Variants in SHROOM2 observed in about 807,000 individuals in gnomAD.
SHROOM2 encodes shroom family member 2, also known as protein Shroom2.
SHROOM2 carries 33 observed loss-of-function variants against 75.9 expected under a neutral mutation model. The ratio of observed to expected loss-of-function variants is 0.43; its 90% CI spans 0.33 to 0.58. SHROOM2 has a LOEUF of 0.58. Ranked by LOEUF, SHROOM2 falls within the 20% of genes least tolerant of loss-of-function variation. The probability of loss-of-function intolerance (pLI) is 0.04; values close to 1 mark genes in which losing one functional copy is unlikely to be tolerated. For synonymous variants in SHROOM2, 655 were observed against 663.6 expected (o/e 0.99, Z 0.20); for missense variants, 1,434 against 1,461.2 (o/e 0.98, Z 0.30).
At chrX:9,838,586 G>T (rs1002097083) in intron 1 of SHROOM2, among the ~76,000 whole-genome samples, 2 of 111,789 alleles carry the variant, frequency 1.8e-5, no homozygotes, top group African/African-American at 6.5e-5. Flanking sequence ...ATAGTATGTC[G>T]TATAGCCTTT....
intron 1 of SHROOM2, among the ~76,000 whole-genome samples, chrX:9,824,370 G>A (rs776023134): frequency 9.0e-6 from 1 of 111,148 alleles, no homozygotes; most frequent in Admixed American, 9.5e-5. Flanking sequence ...CCTGGGAGGC[G>A]GAGGTTGCAG....
chrX:9,945,064 G>A lies in SHROOM2; in HGVS notation c.4584+151G>A, dbSNP rs937485911. On this transcript the variant is annotated intron_variant, in intron 9 of 9. Coordinates refer to ENST00000380913, the MANE Select transcript of SHROOM2 (RefSeq NM_001649.4). ...TGCAGACCTTGTCGAGACAGTGCAC[G>A]CTCTATACCCTCTCCTTCCTTTTAT... 21 of 498,203 alleles carry A rather than the reference G, an allele frequency of 4.2e-5. No homozygotes were observed. In the South Asian group the frequency reaches 6.5e-4, roughly 15 times the overall value. The allele number at this position is 498,203 out of a possible 1,213,427, so 41.1% of individuals were successfully genotyped here.
In SHROOM2 at chrX:9,879,236, C is replaced by A. The variant is rs577463186; in HGVS notation, c.317+5433C>A. On this transcript the variant is annotated intron_variant, in intron 2 of 9. Transcript: ENST00000380913. ...TACAGGTGCATGCCACCATGCCCAGCTTATTGTTTTTATTTTTTTTTATTT... is the reference window on the plus strand; with the variant it reads ...TACAGGTGCATGCCACCATGCCCAGATTATTGTTTTTATTTTTTTTTATTT... Among the ~76,000 whole-genome samples, 12 of 110,213 alleles carry A rather than the reference C, an allele frequency of 1.1e-4. No individual in the cohort carries two copies. In the South Asian group the frequency reaches 4.2e-3, roughly 39 times the overall value.
intron 1 of SHROOM2, among the ~76,000 whole-genome samples, chrX:9,832,110 G>A (rs992792724): frequency 2.7e-5 from 3 of 112,045 alleles, no homozygotes; most frequent in African/African-American, 9.7e-5. Flanking sequence ...TTCTTCTTTC[G>A]TGTGTTCTCT....
chrX:9,836,951 G>C (rs769751988), intron 1 of SHROOM2, among the ~76,000 whole-genome samples: 27 of 112,259 alleles, frequency 2.4e-4, no homozygotes, highest in African/African-American at 8.1e-4. Flanking sequence ...GACACTCCCT[G>C]TACATGGAAT....
In SHROOM2 at chrX:9,848,428, C is replaced by T. The variant is rs780981417; in HGVS notation, c.166-25224C>T. On this transcript the variant is annotated intron_variant, in intron 1 of 9. Transcript: ENST00000380913. The stretch of plus-strand genomic sequence containing the variant: ...CTGAGGCAGGAGAATGGCGTGAACC[C>T]GGGAAGCGGAGCTTGCAGTGAGCCG... 9.2e-4 allele frequency among the ~76,000 whole-genome samples: 80 copies of T among 86,888 alleles called. 1 individual carries two copies. In the Admixed American group the frequency reaches 0.012, roughly 13 times the overall value. 75.5% of individuals were successfully genotyped at this position (86,888 alleles called of 115,157 possible).
chrX:9,853,979 G>A (rs755010911), intron 1 of SHROOM2, among the ~76,000 whole-genome samples: 2 of 111,875 alleles, frequency 1.8e-5, no homozygotes, highest in South Asian at 3.8e-4. Context: ...GCCAAGGCTC[G>A]TTAGTCTGGT....
intron 1 of SHROOM2, among the ~76,000 whole-genome samples, chrX:9,815,179 A>G (rs983939253): frequency 9.0e-6 from 1 of 111,621 alleles, no homozygotes; most frequent in African/African-American, 3.3e-5. Context: ...GCAGTGAATC[A>G]GGAGTGTCAA....
In SHROOM2 at chrX:9,894,339, C is replaced by T. The variant is rs1409287834; in HGVS notation, c.450-19C>T. ...TTGCTAAAGCACACCATGCCTTGTC[C>T]TTCTTCTCATTCTTGCAGTTCTTCC... On this transcript the variant is annotated intron_variant, in intron 3 of 9. Transcript: ENST00000380913. The T allele has an allele frequency of 1.7e-6, 2 of 1,195,520 alleles. No individual in the cohort carries two copies.
At chrX:9,818,765 C>T in intron 1 of SHROOM2, 2 of 472,864 alleles carry the variant, frequency 4.2e-6, no homozygotes, top group Non-Finnish European at 7.6e-6. Flanking sequence ...ATGATACCCT[C>T]TTCTTTCTTT....
chrX:9,803,859 G>A (rs974615372), intron 1 of SHROOM2, among the ~76,000 whole-genome samples: 14 of 111,487 alleles, frequency 1.3e-4, no homozygotes, highest in African/African-American at 3.9e-4. Flanking sequence ...GAATCTGCCA[G>A]CACTGTTGGG....
At chrX:9,885,794 A>G (rs1410633221) in intron 2 of SHROOM2, among the ~76,000 whole-genome samples, 1 of 109,759 alleles carries the variant, frequency 9.1e-6, no homozygotes, top group Non-Finnish European at 1.9e-5. Context: ...ATCTCTCATT[A>G]TACAAAAAGT....
intron 1 of SHROOM2, among the ~76,000 whole-genome samples, chrX:9,838,608 A>G (rs190551607): frequency 8.9e-6 from 1 of 111,925 alleles, no homozygotes; most frequent in Non-Finnish European, 1.9e-5. Context: ...TTTCTTCTCA[A>G]AACTTTTACA....
intron 1 of SHROOM2, among the ~76,000 whole-genome samples, chrX:9,859,353 C>G (rs1419740722): frequency 8.9e-6 from 1 of 112,556 alleles, no homozygotes; most frequent in Admixed American, 9.4e-5. Flanking sequence ...GAAACATTGC[C>G]TATTGCATTG....
At chrX:9,794,881 C>T (rs1003355524) in intron 1 of SHROOM2, among the ~76,000 whole-genome samples, 7 of 111,215 alleles carry the variant, frequency 6.3e-5, no homozygotes, top group African/African-American at 2.0e-4. Flanking sequence ...TCAGACACAC[C>T]GGGGGTCATC....
At chrX:9,817,043 C>T (rs1364246899) in intron 1 of SHROOM2, among the ~76,000 whole-genome samples, 1 of 110,890 alleles carries the variant, frequency 9.0e-6, no homozygotes, top group Non-Finnish European at 1.9e-5. Flanking sequence ...GTGACCTTGC[C>T]TCACTGCAGC....
intron 1 of SHROOM2, among the ~76,000 whole-genome samples, chrX:9,799,154 ATTCTTTTTT>A (rs1569135166): frequency 1.9e-4 from 11 of 59,362 alleles, no homozygotes; most frequent in Admixed American, 1.5e-3. Flanking sequence ...GGAGAGTTTA[ATTCTTTTTT>A]TTTTTTTTTT....
At chrX:9,940,050 G>A (rs1391116903) in intron 8 of SHROOM2, among the ~76,000 whole-genome samples, 2 of 112,313 alleles carry the variant, frequency 1.8e-5, no homozygotes, top group Admixed American at 1.9e-4. Context: ...AAAGTGCTGG[G>A]ATTACAGGCG....
At chrX:9,911,669 GAA>G (rs1347746054) in intron 5 of SHROOM2, among the ~76,000 whole-genome samples, 1 of 111,389 alleles carries the variant, frequency 9.0e-6, no homozygotes, top group Non-Finnish European at 1.9e-5. Flanking sequence ...GGTTAATTGG[GAA>G]AGTCAGGTCC....
Sources: gnomAD v4.1 joint callset for allele counts (sites outside exome capture counted in the v4.1 genomes callset) on GRCh38, gnomAD v4.1.1 for gene constraint, MANE v1.5 for transcripts, NCBI Gene and HGNC (gene_info 2026-07-23, HGNC 2026-07-21) for gene names.